MDM2: variants seen among roughly 807,000 people sequenced by gnomAD.
MDM2 encodes E3 ubiquitin-protein ligase Mdm2.
MDM2 carries 11 observed loss-of-function variants against 64.3 expected under a neutral mutation model. The ratio of observed to expected loss-of-function variants is 0.17; its 90% CI spans 0.11 to 0.28. The LOEUF (loss-of-function observed/expected upper bound fraction) is 0.28. Ranked by LOEUF, MDM2 falls within the 10% of genes least tolerant of loss-of-function variation. The probability of loss-of-function intolerance (pLI) is 1.00; values close to 1 mark genes in which losing one functional copy is unlikely to be tolerated. For synonymous variants in MDM2, 194 were observed against 192.9 expected, an observed-to-expected ratio of 1.01 and a Z score of -0.05; for missense variants, 388 against 577.1, an observed-to-expected ratio of 0.67 and a Z score of 3.36.
chr12:68,829,307 AT>A (rs1475915773), intron 8 of MDM2, among the ~76,000 whole-genome samples: 2 of 152,208 alleles, frequency 1.3e-5, no homozygotes, highest in Non-Finnish European at 2.9e-5. Context: ...AAAACCAAAA[AT>A]TTGGTTCAGT....
intron 8 of MDM2, among the ~76,000 whole-genome samples, chr12:68,833,228 T>C (rs1262038298): frequency 1.5e-5 from 2 of 131,494 alleles, no homozygotes; most frequent in Non-Finnish European, 3.2e-5. Context: ...TATATTAATG[T>C]ATATTATATA....
In MDM2 at chr12:68,813,451, T is replaced by G. The variant is rs543917249; in HGVS notation, c.100-103T>G. On this transcript the variant is annotated intron_variant, in intron 2 of 10. Transcript: ENST00000258149. ...TAATGATTAGATCCTCCCCAGCATTTTTTCCAAATCCCCTTTATTGAACTT... is the reference window on the plus strand; with the variant it reads ...TAATGATTAGATCCTCCCCAGCATTGTTTCCAAATCCCCTTTATTGAACTT... The G allele has an allele frequency of 2.1e-5, 15 of 727,148 alleles. No individual in the cohort carries two copies. In the East Asian group the frequency reaches 3.6e-4, roughly 18 times the overall value. The allele number at this position is 727,148 out of a possible 1,614,324, so 45.0% of individuals were successfully genotyped here. A position where few individuals can be genotyped will look rare whatever the true frequency, so the allele number is the denominator to read the frequency against.
rs2136177513 is a variant in MDM2 at position 68,839,388 on chromosome 12, G to C, written c.1033G>C (p.Gly345Arg). 1 of 1,613,906 alleles carries C rather than the reference G, an allele frequency of 6.2e-7. No individual in the cohort carries two copies. The highest frequency in any genetic ancestry group is 8.5e-7 in the Non-Finnish European group (1 of 1,179,986). Residue 345 changes from glycine (G) to arginine (R), a missense_variant, in exon 11 of 11, where the codon GGG (glycine) becomes CGG (arginine). Physicochemically the swap from Gly to Arg is moderately radical, Grantham distance 125 (BLOSUM62 -2). Transcript: ENST00000258149. ...TCCTGAAGATAAAGGGAAAGATAAA[G>C]GGGAAATCTCTGAGAAAGCCAAACT... ...WLPEDKGKDK[G>R]EISEKAKLEN...
chr12:68,845,872 T>A (rs1884252153), downstream of MDM2: 1 of 152,470 alleles, frequency 6.6e-6, no homozygotes. Flanking sequence ...CAAGCAATCC[T>A]CCCACCTCAG....
At chr12:68,836,089 C>G in intron 9 of MDM2, 105 bp downstream of exon 9, 1 of 1,023,980 alleles carries the variant, frequency 9.8e-7, no homozygotes, top group Non-Finnish European at 1.4e-6. Context: ...CACTTGAAAT[C>G]TTTACCTCTT....
In MDM2 at chr12:68,841,530, C is replaced by T. The variant is rs530266874; in HGVS notation, c.*1681C>T. The T allele has an allele frequency of 3.8e-5, 8 of 210,594 alleles. No homozygotes were observed. The highest frequency in any genetic ancestry group is 1.8e-4 in the African/African-American group (8 of 44,084). The allele number at this position is 210,594 out of a possible 1,614,324, so 13.0% of individuals were successfully genotyped here. The stretch of plus-strand genomic sequence containing the variant: ...ACTTGTTAAAGCCTCCTGAGTCTAA[C>T]CTAGATTACATCAGGCCCTTTTTCA... On this transcript the variant is annotated 3_prime_UTR_variant, in exon 11 of 11. Coordinates refer to ENST00000258149, the MANE Select transcript of MDM2 (RefSeq NM_002392.6).
chr12:68,842,042 A>G lies in MDM2; in HGVS notation c.*2193A>G. 2.5e-6 allele frequency: 1 copy of G among 406,464 alleles called. No homozygotes were observed. The highest frequency in any genetic ancestry group is 4.7e-6 in the Non-Finnish European group (1 of 211,644). The allele number at this position is 406,464 out of a possible 1,614,324, so 25.2% of individuals were successfully genotyped here. A position where few individuals can be genotyped will look rare whatever the true frequency, so the allele number is the denominator to read the frequency against. On this transcript the variant is annotated 3_prime_UTR_variant, in exon 11 of 11. Transcript: ENST00000258149. ...TAAATGTCACAAAAACTTTAAAAGAAGTGCAATTCTCAAAAGGTTAGGTGG... is the reference window on the plus strand; with the variant it reads ...TAAATGTCACAAAAACTTTAAAAGAGGTGCAATTCTCAAAAGGTTAGGTGG...
chr12:68,848,728 G>T (rs1041830593), downstream of MDM2: 1 of 151,630 alleles, frequency 6.6e-6, no homozygotes, highest in Non-Finnish European at 1.5e-5. Flanking sequence ...TGTTTTTTTG[G>T]GGGGGACGAA....
intron 2 of MDM2, among the ~76,000 whole-genome samples, chr12:68,810,297 C>T (rs1009774475): frequency 6.6e-4 from 95 of 143,984 alleles, no homozygotes; most frequent in African/African-American, 2.3e-3. Flanking sequence ...GCGATAAGAG[C>T]GAAACTCCGT....
At chr12:68,813,495 AG>A in intron 2 of MDM2, 58 bp from the exon 3 acceptor site, 1 of 1,143,764 alleles carries the variant, frequency 8.7e-7, no homozygotes, top group South Asian at 1.3e-5. Flanking sequence ...TGTTTGCTGC[AG>A]GGCCTATAGT....
chr12:68,849,421 CGTTT>C (rs1283345560), downstream of MDM2: 24 of 137,364 alleles, frequency 1.7e-4, no homozygotes, highest in African/African-American at 4.6e-4. Context: ...GTTGTTTGTT[CGTTT>C]GTTTGTTTTG....
At chr12:68,835,073 TA>T (rs1883198419) in intron 8 of MDM2, among the ~76,000 whole-genome samples, 1 of 152,134 alleles carries the variant, frequency 6.6e-6, no homozygotes, top group African/African-American at 2.4e-5. Context: ...AAAAAACCCA[TA>T]AGTATTACAA....
intron 8 of MDM2, 131 bp from the exon 9 acceptor site, chr12:68,835,698 C>A: frequency 1.2e-6 from 1 of 800,212 alleles, no homozygotes; most frequent in Non-Finnish European, 1.8e-6. Context: ...AGTCCCGGAT[C>A]AGAGCAGCAG....
At chr12:68,821,603 G>T (rs939460398) in intron 5 of MDM2, among the ~76,000 whole-genome samples, 2 of 152,116 alleles carry the variant, frequency 1.3e-5, no homozygotes, top group African/African-American at 4.8e-5. Context: ...CATGCCTGTA[G>T]TCCTAGCTAC....
At chr12:68,816,059 T>C (rs894244921) in intron 3 of MDM2, among the ~76,000 whole-genome samples, 4 of 152,188 alleles carry the variant, frequency 2.6e-5, no homozygotes, top group Non-Finnish European at 2.9e-5. Flanking sequence ...CATTGATTGA[T>C]TGTTTTTCTG....
chr12:68,838,621 G>A lies in MDM2; in HGVS notation c.919-653G>A, dbSNP rs193222501. ...ACTGGTGGATTAGGAAGTCTTTCTC[G>A]AGGAGGCAGGTTTCATCTAGATTGA... On this transcript the variant is annotated intron_variant, in intron 10 of 10. Transcript: ENST00000258149. 4.6e-5 allele frequency among the ~76,000 whole-genome samples: 7 copies of A among 152,136 alleles called. No homozygotes were observed. The East Asian group carries it at 1.2e-3, about 25-fold the overall frequency.
At chr12:68,809,716 A>T (rs185406544) in intron 2 of MDM2, among the ~76,000 whole-genome samples, 73 of 152,256 alleles carry the variant, frequency 4.8e-4, no homozygotes, top group Non-Finnish European at 9.6e-4. Context: ...GTTTCCTTTT[A>T]GATTTTTTGT....
intron 4 of MDM2, among the ~76,000 whole-genome samples, chr12:68,820,000 A>G (rs1312453606): frequency 2.0e-5 from 3 of 152,310 alleles, no homozygotes; most frequent in Middle Eastern, 3.4e-3. Flanking sequence ...GAAAATAAGT[A>G]TGTTCAACCT....
intron 8 of MDM2, among the ~76,000 whole-genome samples, chr12:68,829,901 G>A (rs1882657528): frequency 6.6e-6 from 1 of 152,136 alleles, no homozygotes; most frequent in Non-Finnish European, 1.5e-5. Flanking sequence ...AAGAAGTTTG[G>A]TAAAAAATTT....
Sources: allele counts gnomAD v4.1 joint callset (sites outside exome capture counted in the v4.1 genomes callset), GRCh38; gene constraint gnomAD v4.1.1; transcripts MANE v1.5; gene names NCBI Gene and HGNC (gene_info 2026-07-23, HGNC 2026-07-21).